The following ATF3 variants were observed in gnomAD, a reference collection of about 807,000 sequenced individuals.
The protein encoded by ATF3 is activating transcription factor 3.
A neutral mutation model predicts 18.4 loss-of-function variants in ATF3; 10 were observed. That is an observed-to-expected ratio of 0.54 (90% CI 0.34 to 0.92). The LOEUF (loss-of-function observed/expected upper bound fraction) is 0.92. Among genes scored for constraint, ATF3 ranks in the 40% least tolerant of loss-of-function variants. ATF3 has a pLI of 0.02. For missense variants in ATF3, 183 were observed against 222.3 expected, an observed-to-expected ratio of 0.82 and a Z score of 1.12; for synonymous variants, 78 against 87.9, an observed-to-expected ratio of 0.89 and a Z score of 0.63.
In ATF3 at chr1:212,619,039, T is replaced by TC; in HGVS notation, c.349-315dup. On this transcript the variant is annotated intron_variant, in intron 3 of 3. Coordinates refer to ENST00000341491, the MANE Select transcript of ATF3 (RefSeq NM_001674.4). The surrounding 1 kb of genome is among the most constrained non-coding windows in gnomAD (Gnocchi z 4.4). ...CTAAGCCACCATAAGTCTGGATTTCTCCCCAGCTCCCAAGGCCCTTTTGGG... is the reference window on the plus strand; with the variant it reads ...CTAAGCCACCATAAGTCTGGATTTCTCCCCCAGCTCCCAAGGCCCTTTTGGG... 6.2e-7 allele frequency: 1 copy of TC among 1,614,162 alleles called. No individual in the cohort carries two copies. The highest frequency in any genetic ancestry group is 8.5e-7 in the Non-Finnish European group (1 of 1,180,016).
At chr1:212,589,289 A>G (rs141382696) in intron 1 of ATF3, among the ~76,000 whole-genome samples, 287 of 152,346 alleles carry the variant, frequency 1.9e-3, no homozygotes, top group African/African-American at 6.4e-3. Flanking sequence ...AGCTCATTGT[A>G]AATGTTTTCA....
At chr1:212,609,843 CA>C (rs1337320073) in intron 1 of ATF3, among the ~76,000 whole-genome samples, 1 of 152,186 alleles carries the variant, frequency 6.6e-6, no homozygotes, top group East Asian at 1.9e-4. Context: ...CGTTGGGCCT[CA>C]GTATGCGGAG....
At position 212,618,078 on chromosome 1, in the gene ATF3, G is replaced by A; in HGVS notation, c.241-49G>A. ...AGTAAAAGGCAGTGTATTTGAGGTA[G>A]GTGGCATTTCTTACTGCCCTTTAAA... On this transcript the variant is annotated intron_variant, in intron 2 of 3. Transcript: ENST00000341491. This position sits in a 1 kb window ranked among gnomAD's most constrained non-coding sequence, Gnocchi z 4.4. The A allele has an allele frequency of 6.3e-7, 1 of 1,579,638 alleles. No homozygotes were observed. The highest frequency in any genetic ancestry group is 1.1e-5 in the South Asian group (1 of 90,334).
rs767758695 is a variant in ATF3 at position 212,615,241 on chromosome 1, G to T, written c.220G>T (p.Val74Leu). 1.1e-5 allele frequency: 18 copies of T among 1,614,032 alleles called. No individual in the cohort carries two copies. The highest frequency in any genetic ancestry group is 1.4e-5 in the Non-Finnish European group (16 of 1,179,916). Residue 74 changes from valine (V) to leucine (L), a missense_variant, in exon 2 of 4, where the codon GTG (valine) becomes TTG (leucine). Transcript: ENST00000341491. Reference protein sequence around the residue: ...SVTVSDRPLGVSITKAEVAPE... With the variant: ...SVTVSDRPLGLSITKAEVAPE... The stretch of plus-strand genomic sequence containing the variant: ...CACTGTCAGCGACAGACCCCTCGGG[G>T]TGTCCATCACAAAAGCCGAGGTGGG...
rs554541827 is a variant in ATF3 at position 212,615,044 on chromosome 1, A to T, written c.23A>T (p.Gln8Leu). 3.1e-6 allele frequency: 5 copies of T among 1,614,188 alleles called. No individual in the cohort carries two copies. The East Asian group carries it at 1.1e-4, about 36-fold the overall frequency. Residue 8 changes from glutamine (Q) to leucine (L), a missense_variant, in exon 2 of 4, where the codon CAG (glutamine) becomes CTG (leucine). Coordinates refer to ENST00000341491, the MANE Select transcript of ATF3 (RefSeq NM_001674.4). ...AAAATGATGCTTCAACACCCAGGCC[A>T]GGTCTCTGCCTCGGAAGTGAGTGCT... MMLQHPG[Q>L]VSASEVSASA...
chr1:212,610,740 C>T (rs1013518184), intron 1 of ATF3, among the ~76,000 whole-genome samples: 10 of 152,208 alleles, frequency 6.6e-5, no homozygotes, highest in African/African-American at 1.4e-4. Context: ...GTACCAGGTG[C>T]CAGGACTCTT....
At chr1:212,589,775 C>T (rs1184990737) in intron 1 of ATF3, among the ~76,000 whole-genome samples, 4 of 147,706 alleles carry the variant, frequency 2.7e-5, no homozygotes, top group Non-Finnish European at 4.5e-5. Flanking sequence ...GCTAATTGAT[C>T]GGTCCTGATC....
chr1:212,611,635 AG>A (rs1654897207), intron 1 of ATF3, among the ~76,000 whole-genome samples: 1 of 152,238 alleles, frequency 6.6e-6, no homozygotes, highest in African/African-American at 2.4e-5. Context: ...GTGAAAGGCC[AG>A]TACTGGCTTC....
chr1:212,594,518 T>G (rs1246826086), intron 1 of ATF3, among the ~76,000 whole-genome samples: 1 of 152,200 alleles, frequency 6.6e-6, no homozygotes, highest in Non-Finnish European at 1.5e-5. Flanking sequence ...AAAAAGTCAC[T>G]CTACCTCTTA....
At chr1:212,573,206 A>G (rs1328145220) in intron 1 of ATF3, among the ~76,000 whole-genome samples, 1 of 152,178 alleles carries the variant, frequency 6.6e-6, no homozygotes, top group Non-Finnish European at 1.5e-5. Context: ...TGATTTTAAT[A>G]ATATTGCCTT....
chr1:212,584,603 C>T (rs541281041), intron 1 of ATF3, among the ~76,000 whole-genome samples: 117 of 152,312 alleles, frequency 7.7e-4, no homozygotes, highest in African/African-American at 2.2e-3. Context: ...AGGGGGAGGA[C>T]GATCTGCTTC....
intron 1 of ATF3, among the ~76,000 whole-genome samples, chr1:212,595,894 G>T (rs1664983505): frequency 6.6e-6 from 1 of 152,194 alleles, no homozygotes; most frequent in Admixed American, 6.5e-5. Flanking sequence ...TTTGAAACTG[G>T]ATTTTGAAAG....
At chr1:212,571,397 T>TTTA (rs1272888801) in intron 1 of ATF3, among the ~76,000 whole-genome samples, 10 of 152,082 alleles carry the variant, frequency 6.6e-5, no homozygotes, top group African/African-American at 1.9e-4. Context: ...AAATAATACT[T>TTTA]TTATTATTAT....
chr1:212,566,238 A>T (rs1471864035), intron 1 of ATF3, among the ~76,000 whole-genome samples: 1 of 152,126 alleles, frequency 6.6e-6, no homozygotes, highest in South Asian at 2.1e-4. Context: ...CTGTAAAAAC[A>T]TGTGCACTTG....
chr1:212,580,629 A>G (rs1366842475), intron 1 of ATF3, among the ~76,000 whole-genome samples: 2 of 152,160 alleles, frequency 1.3e-5, no homozygotes, highest in African/African-American at 4.8e-5. Flanking sequence ...GTAATATATG[A>G]TAGTCATTCT....
intron 1 of ATF3, among the ~76,000 whole-genome samples, chr1:212,599,888 C>T (rs2102640715): frequency 6.6e-6 from 1 of 152,330 alleles, no homozygotes; most frequent in South Asian, 2.1e-4. Context: ...TCAGGTGAGG[C>T]AACACTGCTG....
At chr1:212,579,275 G>A (rs1328051283) in intron 1 of ATF3, among the ~76,000 whole-genome samples, 1 of 152,110 alleles carries the variant, frequency 6.6e-6, no homozygotes, top group African/African-American at 2.4e-5. Context: ...GCCTCCCAAA[G>A]TGCTGGGATT....
chr1:212,606,849 T>G (rs182993515), upstream of ATF3, among the ~76,000 whole-genome samples: 40 of 152,138 alleles, frequency 2.6e-4, no homozygotes, highest in African/African-American at 9.2e-4. Flanking sequence ...CGCCCGGGGT[T>G]TACCTGCGCG....
intron 2 of ATF3, 108 bp downstream of exon 2, chr1:212,615,369 A>G: frequency 7.3e-7 from 1 of 1,376,792 alleles, no homozygotes; most frequent in Non-Finnish European, 9.9e-7. Flanking sequence ...GAAACAAACA[A>G]AACCACTGCC....
Sources: allele counts gnomAD v4.1 joint callset (sites outside exome capture counted in the v4.1 genomes callset), GRCh38; gene constraint gnomAD v4.1.1; non-coding constraint Gnocchi (gnomAD v3.1); transcripts MANE v1.5; gene names NCBI Gene and HGNC (gene_info 2026-07-23, HGNC 2026-07-21).